EPC1: variants seen among roughly 807,000 people sequenced by gnomAD.
EPC1 encodes the protein enhancer of polycomb 1.
In EPC1, 12 loss-of-function variants were observed where a neutral mutation model predicts 98.4. That is an observed-to-expected ratio of 0.12 (90% CI 0.08 to 0.20). The LOEUF is 0.20. EPC1 is among the 10% of genes least tolerant of loss of function. EPC1 has a pLI of 1.00. For missense variants in EPC1, 729 were observed against 990.5 expected, an observed-to-expected ratio of 0.74 and a Z score of 3.54; for synonymous variants, 357 against 363.9, an observed-to-expected ratio of 0.98 and a Z score of 0.21.
In EPC1 at chr10:32,287,067, C is replaced by T. The variant is rs1836727649; in HGVS notation, c.1152+31G>A. 5.0e-6 allele frequency: 8 copies of T among 1,613,756 alleles called. 1 individual carries two copies. In the South Asian group the frequency reaches 7.7e-5, roughly 16 times the overall value. ...CAGATACGTGACTTCCTACATCCCT[C>T]CTCAATGTTCATAGAGAATTGTATT... On this transcript the variant is annotated intron_variant, in intron 7 of 13. Coordinates refer to ENST00000319778, the MANE Select transcript of EPC1 (RefSeq NM_001272004.3).
chr10:32,277,505 G>T (rs928353664), intron 10 of EPC1, among the ~76,000 whole-genome samples: 5 of 152,156 alleles, frequency 3.3e-5, no homozygotes, highest in Non-Finnish European at 1.5e-5. Flanking sequence ...GAAATACTTA[G>T]GCAGAAGTAG....
At chr10:32,343,711 G>A (rs931997791) in intron 1 of EPC1, among the ~76,000 whole-genome samples, 4 of 149,186 alleles carry the variant, frequency 2.7e-5, no homozygotes, top group African/African-American at 1.0e-4. Flanking sequence ...GGGGTGTAAG[G>A]GCTTCTACTT....
intron 10 of EPC1, among the ~76,000 whole-genome samples, chr10:32,280,837 T>C (rs917628292): frequency 6.6e-6 from 1 of 152,220 alleles, no homozygotes; most frequent in Non-Finnish European, 1.5e-5. Context: ...AGCTGACTTG[T>C]ATTTTACAAA....
intron 1 of EPC1, among the ~76,000 whole-genome samples, chr10:32,355,931 A>G (rs1177844102): frequency 2.0e-5 from 3 of 152,176 alleles, no homozygotes; most frequent in Non-Finnish European, 4.4e-5. Context: ...ACTTTTGAGT[A>G]GATAGACTAC....
chr10:32,293,341 T>C, intron 3 of EPC1, 147 bp from the exon 4 acceptor site: 4 of 743,220 alleles, frequency 5.4e-6, no homozygotes, highest in Non-Finnish European at 8.5e-6. Flanking sequence ...TGTCAGTCAC[T>C]GAACTAGGGT....
At chr10:32,328,636 A>G (rs1172040889) in intron 1 of EPC1, among the ~76,000 whole-genome samples, 1 of 152,194 alleles carries the variant, frequency 6.6e-6, no homozygotes, top group African/African-American at 2.4e-5. Flanking sequence ...ACAAAAAACA[A>G]TGGCCTGGGG....
intron 1 of EPC1, among the ~76,000 whole-genome samples, chr10:32,336,013 C>T (rs1279556398): frequency 6.6e-6 from 1 of 152,150 alleles, no homozygotes; most frequent in Non-Finnish European, 1.5e-5. Flanking sequence ...TGTCTTCTTT[C>T]CCTGCTTACC....
chr10:32,345,482 A>T, intron 1 of EPC1: 2 of 985,492 alleles, frequency 2.0e-6, no homozygotes, highest in Non-Finnish European at 2.4e-6. Flanking sequence ...TTTCCACAAC[A>T]AAATTGTAGC....
rs778426072 is a variant in EPC1, at chr10:32,291,243, T to C, written c.895A>G (p.Ile299Val). 10 of 1,613,910 alleles carry C rather than the reference T, an allele frequency of 6.2e-6. No individual in the cohort carries two copies. The South Asian group carries it at 1.1e-4, about 18-fold the overall frequency. ...CTATTAGTAATAGGGATGATGGGGA[T>C]GGCATAAGTAGGTTTCATTGGCTGT... is the stretch of plus-strand genomic sequence containing the variant. ...QRQPMKPTYA[I>V]PIIPITNSSQ... The change falls in exon 6 of 14, where the codon ATC (isoleucine) becomes GTC (valine). Residue 299 changes from isoleucine (I) to valine (V), a missense_variant. Physicochemically the swap from Ile to Val is conservative, Grantham distance 29. Transcript: ENST00000319778.
intron 11 of EPC1, 108 bp downstream of exon 11, chr10:32,273,055 C>T (rs1244662603): frequency 1.2e-6 from 2 of 1,614,000 alleles, no homozygotes; most frequent in Admixed American, 1.7e-5. Context: ...AGGCGAAAGC[C>T]ACTTTTCTGC....
rs1156332268 is a variant in EPC1, at chr10:32,345,326, TA to T, written c.153+1436del. On this transcript the variant is annotated intron_variant, in intron 1 of 13. Coordinates refer to ENST00000319778, the MANE Select transcript of EPC1 (RefSeq NM_001272004.3). The stretch of plus-strand genomic sequence containing the variant: ...AGATTTAAGACACTACTCTCAAAAG[TA>T]ACATTTCACTGTCACAGCTATTTCA... 3 of 985,308 alleles carry T rather than the reference TA, an allele frequency of 3.0e-6. No individual in the cohort carries two copies. In the African/African-American group the frequency reaches 5.2e-5, roughly 17 times the overall value. 61.0% of individuals were successfully genotyped at this position (985,308 alleles called of 1,614,324 possible). A position where few individuals can be genotyped will look rare whatever the true frequency, so the allele number is the denominator to read the frequency against.
chr10:32,325,225 C>T (rs576868782), intron 1 of EPC1, among the ~76,000 whole-genome samples: 1 of 151,994 alleles, frequency 6.6e-6, no homozygotes, highest in African/African-American at 2.4e-5. Flanking sequence ...CTGTAAAACA[C>T]AAAACAAAAT....
intron 4 of EPC1, 58 bp downstream of exon 4, chr10:32,292,930 A>G (rs1592557690): frequency 8.7e-6 from 10 of 1,146,302 alleles, no homozygotes; most frequent in African/African-American, 7.9e-5. Context: ...TGAGACAGTC[A>G]TAACTATAAA....
upstream of EPC1, among the ~76,000 whole-genome samples, chr10:32,351,584 G>A (rs1427721271): frequency 2.0e-5 from 3 of 151,744 alleles, no homozygotes; most frequent in Admixed American, 2.0e-4. Context: ...CTTTAACCCG[G>A]GAGGTGGAGG....
chr10:32,378,523 GA>G, exon 1 of EPC1: 29 of 1,530,930 alleles, frequency 1.9e-5, no homozygotes, highest in South Asian at 6.1e-5. Context: ...GGCAGTTCTT[GA>G]AAAAAAATTG....
chr10:32,330,230 T>A (rs1592604918), intron 1 of EPC1, among the ~76,000 whole-genome samples: 1 of 152,332 alleles, frequency 6.6e-6, no homozygotes, highest in East Asian at 1.9e-4. Context: ...AGGAAGCTAC[T>A]TAAATTTAGG....
intron 2 of EPC1, among the ~76,000 whole-genome samples, chr10:32,304,376 T>C (rs577477774): frequency 6.6e-6 from 1 of 152,194 alleles, no homozygotes; most frequent in Non-Finnish European, 1.5e-5. Flanking sequence ...TTAGTTAACA[T>C]ACATGGGGAA....
At chr10:32,345,161 TAAAC>T (rs1474695482) in intron 1 of EPC1, 14 of 981,614 alleles carry the variant, frequency 1.4e-5, no homozygotes, top group Middle Eastern at 5.3e-4. Flanking sequence ...TATTAAAAAA[TAAAC>T]AAATGGCCAT....
At chr10:32,334,096 CA>C (rs1837805869) in intron 1 of EPC1, among the ~76,000 whole-genome samples, 1 of 152,194 alleles carries the variant, frequency 6.6e-6, no homozygotes, top group Admixed American at 6.5e-5. Context: ...AAGCTGAGAG[CA>C]GGGGTGAATT....
Sources: allele counts gnomAD v4.1 joint callset (sites outside exome capture counted in the v4.1 genomes callset), GRCh38; gene constraint gnomAD v4.1.1; transcripts MANE v1.5; gene names NCBI Gene and HGNC (gene_info 2026-07-23, HGNC 2026-07-21).